Variants in ZNF280B observed in about 807,000 individuals in gnomAD.
ZNF280B encodes the protein suppressor of hairy wing homolog 2.
In ZNF280B, 16 loss-of-function variants were observed where a neutral mutation model predicts 38.0. That is an observed-to-expected ratio of 0.42 (90% confidence interval 0.28 to 0.64). ZNF280B has a LOEUF of 0.64. ZNF280B is among the 30% of genes least tolerant of loss of function. ZNF280B has a pLI of 0.21. For synonymous variants in ZNF280B, 253 were observed against 230.6 expected, an observed-to-expected ratio of 1.10 and a Z score of -0.88; for missense variants, 581 against 639.6, an observed-to-expected ratio of 0.91 and a Z score of 0.99.
chr22:22,509,127 G>A (rs1435650007), upstream of ZNF280B: 1 of 152,778 alleles, frequency 6.5e-6, no homozygotes, highest in African/African-American at 2.4e-5. Flanking sequence ...CTTGGGGTGG[G>A]GGGTAGGCTT....
At chr22:22,493,052 C>T (rs1219233406) in intron 3 of ZNF280B, among the ~76,000 whole-genome samples, 1 of 151,480 alleles carries the variant, frequency 6.6e-6, no homozygotes, top group Non-Finnish European at 1.5e-5. Flanking sequence ...GCTTTGTCAC[C>T]CAGGCTGAAG....
In ZNF280B at chr22:22,485,549, G is replaced by A. The variant is rs2061491980; in HGVS notation, c.*2218C>T. 1 of 151,870 alleles carries A rather than the reference G, an allele frequency of 6.6e-6. No homozygotes were observed. The allele number at this position is 151,870 out of a possible 1,614,324, so 9.4% of individuals were successfully genotyped here. On this transcript the variant is annotated 3_prime_UTR_variant, in exon 4 of 4. Transcript: ENST00000626650. ...GCAAATAAATACAACAGAATCTATGGATCTAGAGTCAGAAAATTTTCTAAA... is the reference window on the plus strand; with the variant it reads ...GCAAATAAATACAACAGAATCTATGAATCTAGAGTCAGAAAATTTTCTAAA...
intron 2 of ZNF280B, among the ~76,000 whole-genome samples, chr22:22,507,469 T>G (rs555453036): frequency 1.3e-5 from 2 of 151,964 alleles, no homozygotes; most frequent in East Asian, 3.9e-4. Context: ...TCCTGCTGCA[T>G]GCAGTTACCT....
chr22:22,506,824 T>G (rs2061948614), intron 2 of ZNF280B, among the ~76,000 whole-genome samples: 3 of 151,924 alleles, frequency 2.0e-5, no homozygotes, highest in South Asian at 4.2e-4. Flanking sequence ...TGCTTTGAGA[T>G]CCTATGGAAA....
rs2061481149 is a variant in ZNF280B at position 22,484,517 on chromosome 22, G to A, written c.*3250C>T. The A allele has an allele frequency of 6.6e-6, 1 of 152,142 alleles. No individual in the cohort carries two copies. Among genetic ancestry groups the A allele is most frequent in the Non-Finnish European group, 1.5e-5 (1 of 67,968 alleles). The allele number at this position is 152,142 out of a possible 1,614,324, so 9.4% of individuals were successfully genotyped here. ...ATAAATTTCACCTGAAAGAACAAGC[G>A]AGCAAAATAGACAAGGAAATTCACA... On this transcript the variant is annotated 3_prime_UTR_variant, in exon 4 of 4. Coordinates refer to ENST00000626650, the MANE Select transcript of ZNF280B (RefSeq NM_080764.4).
rs1262419346 is a variant in ZNF280B at position 22,484,823 on chromosome 22, GAGAGT to G, written c.*2939_*2943del. 6.6e-6 allele frequency: 1 copy of G among 151,682 alleles called. No individual in the cohort carries two copies. The highest frequency in any genetic ancestry group is 1.5e-5 in the Non-Finnish European group (1 of 67,918). The allele number at this position is 151,682 out of a possible 1,614,324, so 9.4% of individuals were successfully genotyped here. Reference sequence around the variant, plus strand: ...TTGAAGAGGAAGAAAAGAGTGGGGAGAGAGTAAAGTGCCTTTAAGAGGAAAAGTAG... The same window carrying G: ...TTGAAGAGGAAGAAAAGAGTGGGGAGAAAGTGCCTTTAAGAGGAAAAGTAG... On this transcript the variant is annotated 3_prime_UTR_variant, in exon 4 of 4. Transcript: ENST00000626650.
intron 2 of ZNF280B, among the ~76,000 whole-genome samples, chr22:22,496,318 G>A (rs1438483942): frequency 6.6e-5 from 10 of 150,590 alleles, no homozygotes; most frequent in East Asian, 6.0e-4. Context: ...CACTGGTCTC[G>A]AACTCCTGAC....
intron 2 of ZNF280B, among the ~76,000 whole-genome samples, chr22:22,502,554 C>T (rs1162753910): frequency 2.0e-5 from 3 of 151,784 alleles, no homozygotes; most frequent in Non-Finnish European, 4.4e-5. Flanking sequence ...AATGAATAAA[C>T]GAACTGTGGT....
chr22:22,487,447 TAAAAAAAAAAAAAAA>T lies in ZNF280B; in HGVS notation c.*305_*319del, dbSNP rs71199481. 0.31 allele frequency: 20,599 copies of T among 67,304 alleles called. 1,960 individuals are homozygous for T. The highest frequency in any genetic ancestry group is 0.5 in the South Asian group (1,297 of 2,606). 4.2% of individuals were successfully genotyped at this position (67,304 alleles called of 1,614,324 possible). A position where few individuals can be genotyped will look rare whatever the true frequency, so the allele number is the denominator to read the frequency against. On this transcript the variant is annotated 3_prime_UTR_variant, in exon 4 of 4. Transcript: ENST00000626650. ...TAACAGTGAGACCCTGTCTCTAAAG[TAAAAAAAAAAAAAAA>T]AAAAAAAAAAAAAATTAAAATTAAA...
At chr22:22,491,451 T>C (rs1430001247) in intron 3 of ZNF280B, among the ~76,000 whole-genome samples, 2 of 78,804 alleles carry the variant, frequency 2.5e-5, no homozygotes, top group African/African-American at 1.9e-4. Flanking sequence ...TTTTCTTGTC[T>C]TTTTTCTTTT....
chr22:22,506,053 G>A (rs1049375173), intron 2 of ZNF280B, among the ~76,000 whole-genome samples: 1 of 110,528 alleles, frequency 9.0e-6, no homozygotes, highest in African/African-American at 3.9e-5. Context: ...GGCCCACAAG[G>A]TTCATTGATG....
rs408785 is a variant in ZNF280B, at chr22:22,485,213, G to A, written c.*2554C>T. On this transcript the variant is annotated 3_prime_UTR_variant, in exon 4 of 4. Transcript: ENST00000626650. ...ACTCCTTAAGAGCATGCTTTAATGAGACTGCAAACAACAGTGTTGATAATA... is the reference window on the plus strand; with the variant it reads ...ACTCCTTAAGAGCATGCTTTAATGAAACTGCAAACAACAGTGTTGATAATA... 0.17 allele frequency: 25,992 copies of A among 151,838 alleles called. 2,493 individuals are homozygous for A. The highest frequency in any genetic ancestry group is 0.33 in the South Asian group (1,601 of 4,802). 9.4% of individuals were successfully genotyped at this position (151,838 alleles called of 1,614,324 possible). A position where few individuals can be genotyped will look rare whatever the true frequency, so the allele number is the denominator to read the frequency against.
chr22:22,485,050 T>G lies in ZNF280B; in HGVS notation c.*2717A>C, dbSNP rs1034789600. On this transcript the variant is annotated 3_prime_UTR_variant, in exon 4 of 4. Coordinates refer to ENST00000626650, the MANE Select transcript of ZNF280B (RefSeq NM_080764.4). ...GGAAGAATGTGATTTGCTTAAGGAA[T>G]AGCAAGGCCAGTGTGTCAAAATAGT... is the stretch of plus-strand genomic sequence containing the variant. 5.3e-5 allele frequency: 8 copies of G among 152,274 alleles called. No homozygotes were observed. The East Asian group carries it at 1.6e-3, about 30-fold the overall frequency. 9.4% of individuals were successfully genotyped at this position (152,274 alleles called of 1,614,324 possible).
chr22:22,501,034 AAAAAAAACAAAAAACC>A (rs2061810463), intron 2 of ZNF280B, among the ~76,000 whole-genome samples: 1 of 138,438 alleles, frequency 7.2e-6, no homozygotes, highest in Non-Finnish European at 1.5e-5. Flanking sequence ...AAAAAAAAAA[AAAAAAAACAAAAAACC>A]AAAAAAACAA....
At chr22:22,501,543 C>T (rs1326339476) in intron 2 of ZNF280B, among the ~76,000 whole-genome samples, 3 of 151,326 alleles carry the variant, frequency 2.0e-5, no homozygotes, top group Non-Finnish European at 4.4e-5. Context: ...CCAGCCTGGG[C>T]GACAGAGTGA....
intron 2 of ZNF280B, among the ~76,000 whole-genome samples, chr22:22,494,954 C>CT (rs1433897440): frequency 6.6e-6 from 1 of 151,948 alleles, no homozygotes; most frequent in African/African-American, 2.4e-5. Context: ...TCTCAAACTC[C>CT]TGACCTTGTG....
In ZNF280B at chr22:22,484,914, G is replaced by A. The variant is rs532740745; in HGVS notation, c.*2853C>T. On this transcript the variant is annotated 3_prime_UTR_variant, in exon 4 of 4. Coordinates refer to ENST00000626650, the MANE Select transcript of ZNF280B (RefSeq NM_080764.4). The stretch of plus-strand genomic sequence containing the variant: ...TCAGTGGCATTTTAAGAGCCTTGAA[G>A]CTCAATGAACCAAAGGAAGTGTCAA... 1.3e-5 allele frequency: 2 copies of A among 151,966 alleles called. No individual in the cohort carries two copies. Among genetic ancestry groups the A allele is most frequent in the Admixed American group, 1.3e-4 (2 of 15,198 alleles). The allele number at this position is 151,966 out of a possible 1,614,324, so 9.4% of individuals were successfully genotyped here.
rs1215284231 is a variant in ZNF280B, at chr22:22,488,202, G to T, written c.1197C>A (p.Gly399=). ...LQHMKDHHKP[G]EMPYVCQVCH... ...AAACCTGGCACACATAGGGCATTTCGCCAGGCTTATGATGGTCCTTCATGT... is the reference window on the plus strand; with the variant it reads ...AAACCTGGCACACATAGGGCATTTCTCCAGGCTTATGATGGTCCTTCATGT... The change falls in exon 4 of 4, where the codon GGC becomes GGA. Residue 399 remains glycine (G), a synonymous_variant. Transcript: ENST00000626650. 1.2e-6 allele frequency: 2 copies of T among 1,613,846 alleles called. No individual in the cohort carries two copies. The highest frequency in any genetic ancestry group is 8.5e-7 in the Non-Finnish European group (1 of 1,179,972).
intron 2 of ZNF280B, among the ~76,000 whole-genome samples, chr22:22,504,565 G>A (rs5758524): frequency 6.6e-6 from 1 of 152,088 alleles, no homozygotes; most frequent in East Asian, 2.0e-4. Context: ...GAGCTGGTGG[G>A]AGGGATGTTA....
Sources: gnomAD v4.1 joint callset for allele counts (sites outside exome capture counted in the v4.1 genomes callset) on GRCh38, gnomAD v4.1.1 for gene constraint, MANE v1.5 for transcripts, NCBI Gene and HGNC (gene_info 2026-07-23, HGNC 2026-07-21) for gene names.